Variants in AGBL1 observed in about 807,000 individuals in gnomAD.
AGBL1 encodes the protein cytosolic carboxypeptidase 4.
A neutral mutation model predicts 118.9 loss-of-function variants in AGBL1; 130 were observed. The ratio of observed to expected loss-of-function variants is 1.09; its 90% CI spans 0.95 to 1.26. The LOEUF (loss-of-function observed/expected upper bound fraction) is 1.26, where lower values mean the gene tolerates loss of function less well. Ranked by LOEUF, AGBL1 falls within the 50% of genes most tolerant of loss-of-function variation. The probability of loss-of-function intolerance (pLI) is 0.00; values close to 1 mark genes in which losing one functional copy is unlikely to be tolerated. For missense variants in AGBL1, 1,584 were observed against 1,298.1 expected, an observed-to-expected ratio of 1.22 and a Z score of -3.38; for synonymous variants, 555 against 478.9, an observed-to-expected ratio of 1.16 and a Z score of -2.08.
intron 1 of AGBL1, among the ~76,000 whole-genome samples, chr15:86,141,117 C>G (rs752173108): frequency 6.6e-6 from 1 of 152,166 alleles, no homozygotes; most frequent in Non-Finnish European, 1.5e-5. Flanking sequence ...TACTTCTGGC[C>G]TTGCTGTATG....
chr15:86,759,792 G>A (rs28726313), intron 22 of AGBL1, among the ~76,000 whole-genome samples: 38,785 of 151,984 alleles, frequency 0.26, 6,395 homozygotes, highest in African/African-American at 0.46. Context: ...TGATCTTCAC[G>A]TGATTCTAAT....
At chr15:86,378,341 C>G (rs917081484) in intron 17 of AGBL1, among the ~76,000 whole-genome samples, 1 of 152,150 alleles carries the variant, frequency 6.6e-6, no homozygotes, top group African/African-American at 2.4e-5. Context: ...ATGCTGATTA[C>G]CACAGAAGAT....
chr15:86,894,192 C>T (rs1317767737), intron 22 of AGBL1, among the ~76,000 whole-genome samples: 1 of 152,132 alleles, frequency 6.6e-6, no homozygotes, highest in East Asian at 1.9e-4. Flanking sequence ...TTAAGGCCCA[C>T]TCTATCAGTG....
chr15:86,414,052 T>G (rs986717254), intron 18 of AGBL1, among the ~76,000 whole-genome samples: 3 of 152,158 alleles, frequency 2.0e-5, no homozygotes, highest in African/African-American at 7.2e-5. Flanking sequence ...GGCCATTATC[T>G]TAAGTGAAAA....
intron 17 of AGBL1, among the ~76,000 whole-genome samples, chr15:86,348,731 T>C (rs528516869): frequency 4.7e-5 from 7 of 149,912 alleles, no homozygotes; most frequent in South Asian, 2.1e-4. Flanking sequence ...AGAGCTGAGA[T>C]TGAGCCACTG....
chr15:86,562,731 C>G (rs1420680939), intron 21 of AGBL1, among the ~76,000 whole-genome samples: 4 of 152,128 alleles, frequency 2.6e-5, no homozygotes, highest in East Asian at 1.9e-4. Flanking sequence ...CCAGCTCCTC[C>G]TTGTACCTCT....
At chr15:86,756,941 G>A (rs2077950630) in intron 22 of AGBL1, among the ~76,000 whole-genome samples, 1 of 136,270 alleles carries the variant, frequency 7.3e-6, no homozygotes, top group Admixed American at 7.5e-5. Flanking sequence ...CAATAAACAT[G>A]TCTTTTTTTT....
intron 21 of AGBL1, among the ~76,000 whole-genome samples, chr15:86,652,046 A>G (rs772771341): frequency 8.5e-5 from 13 of 152,174 alleles, no homozygotes; most frequent in Non-Finnish European, 1.3e-4. Flanking sequence ...AGATTGTTTA[A>G]CAAATGAGTG....
chr15:87,019,030 G>C (rs2081635590), intron 24 of AGBL1, among the ~76,000 whole-genome samples: 5 of 151,946 alleles, frequency 3.3e-5, no homozygotes, highest in Admixed American at 2.0e-4. Flanking sequence ...ACAAAGAAGG[G>C]CATTACATAA....
chr15:86,862,184 GCT>G (rs1340450889), intron 22 of AGBL1, among the ~76,000 whole-genome samples: 1 of 152,180 alleles, frequency 6.6e-6, no homozygotes, highest in Non-Finnish European at 1.5e-5. Flanking sequence ...CAGAGTAACT[GCT>G]TGAGGAATGT....
chr15:86,817,102 C>T (rs544768203), intron 22 of AGBL1, among the ~76,000 whole-genome samples: 1 of 152,066 alleles, frequency 6.6e-6, no homozygotes, highest in East Asian at 1.9e-4. Context: ...GCATGACCAA[C>T]ATGATGAAAC....
At chr15:86,504,220 T>C (rs1443905319) in intron 18 of AGBL1, among the ~76,000 whole-genome samples, 2 of 151,698 alleles carry the variant, frequency 1.3e-5, no homozygotes, top group Non-Finnish European at 1.5e-5. Context: ...TTATGTCTGA[T>C]AGTCCTATAG....
At chr15:86,673,996 G>T (rs1160493986) in intron 21 of AGBL1, among the ~76,000 whole-genome samples, 1 of 152,034 alleles carries the variant, frequency 6.6e-6, no homozygotes, top group Non-Finnish European at 1.5e-5. Context: ...CAGATTCCTG[G>T]ATCTCCATAT....
At position 86,532,642 on chromosome 15, in the gene AGBL1, C is replaced by G. The variant is rs564840966; in HGVS notation, c.2685+9703C>G. 3.3e-4 allele frequency among the ~76,000 whole-genome samples: 50 copies of G among 149,938 alleles called. 1 individual carries two copies. The highest frequency in any genetic ancestry group is 1.2e-3 in the African/African-American group (49 of 40,718). On this transcript the variant is annotated intron_variant, in intron 19 of 22. Transcript: ENST00000614907. ...GTTCATATGGAACCAAAAAAGAGCC[C>G]GCATCGCCAAGTCAATCCTAAGCCA...
intron 18 of AGBL1, among the ~76,000 whole-genome samples, chr15:86,449,860 C>T (rs1157805699): frequency 6.6e-6 from 1 of 152,074 alleles, no homozygotes; most frequent in Non-Finnish European, 1.5e-5. Context: ...CATACTTTGG[C>T]TTGCTATGAT....
chr15:86,438,017 T>C (rs2082019201), intron 18 of AGBL1, among the ~76,000 whole-genome samples: 2 of 152,172 alleles, frequency 1.3e-5, no homozygotes, highest in South Asian at 4.1e-4. Context: ...GCGATTCTCC[T>C]GCCTCAGCCT....
chr15:86,837,846 C>T (rs569431116), intron 22 of AGBL1, among the ~76,000 whole-genome samples: 1 of 152,294 alleles, frequency 6.6e-6, no homozygotes, highest in East Asian at 1.9e-4. Context: ...ACCTTTCTTT[C>T]AGGCTAGTTC....
At chr15:86,845,361 C>T (rs1308115634) in intron 22 of AGBL1, among the ~76,000 whole-genome samples, 1 of 152,084 alleles carries the variant, frequency 6.6e-6, no homozygotes, top group African/African-American at 2.4e-5. Context: ...TTATACTATG[C>T]ACTGTACACA....
At chr15:86,839,359 C>G (rs902542752) in intron 22 of AGBL1, among the ~76,000 whole-genome samples, 2 of 152,162 alleles carry the variant, frequency 1.3e-5, no homozygotes, top group Non-Finnish European at 2.9e-5. Flanking sequence ...TCATCAAATC[C>G]TATTCTTACT....
Sources: allele counts gnomAD v4.1 joint callset (sites outside exome capture counted in the v4.1 genomes callset), GRCh38; gene constraint gnomAD v4.1.1; transcripts MANE v1.5; gene names NCBI Gene and HGNC (gene_info 2026-07-23, HGNC 2026-07-21).